Variants in R3HDM1 observed in about 807,000 individuals in gnomAD.
R3HDM1 encodes R3H domain-containing protein 1.
In R3HDM1, 46 loss-of-function variants were observed where a neutral mutation model predicts 141.1. The observed-to-expected ratio is 0.33, with a 90% CI of 0.26 to 0.42. R3HDM1 has a LOEUF of 0.42. Ranked by LOEUF, R3HDM1 falls within the 10% of genes least tolerant of loss-of-function variation. R3HDM1 has a pLI of 1.00. For synonymous variants in R3HDM1, 435 were observed against 472.9 expected (o/e 0.92, Z 1.04); for missense variants, 1,184 against 1,368.3 (o/e 0.87, Z 2.12).
At chr2:135,702,547 G>T (rs2074366731) in intron 21 of R3HDM1, among the ~76,000 whole-genome samples, 1 of 151,358 alleles carries the variant, frequency 6.6e-6, no homozygotes, top group South Asian at 2.1e-4. Context: ...TGTAGTCCCA[G>T]CTACAGCAGG....
At chr2:135,630,619 G>A (rs1206829676) in intron 7 of R3HDM1, among the ~76,000 whole-genome samples, 2 of 152,124 alleles carry the variant, frequency 1.3e-5, no homozygotes, top group Non-Finnish European at 2.9e-5. Context: ...ATGCAGGTCT[G>A]ATGTGTAGAC....
At chr2:135,639,275 A>C in intron 14 of R3HDM1, 153 bp downstream of exon 14, 1 of 652,062 alleles carries the variant, frequency 1.5e-6, no homozygotes, top group East Asian at 2.9e-5. Flanking sequence ...AAGGGGTAAT[A>C]TGTTTCTTGA....
rs763893412 is a variant in R3HDM1, at chr2:135,710,090, G to A, written c.2595G>A (p.Met865Ile). The A allele has an allele frequency of 6.2e-7, 1 of 1,613,946 alleles. No individual in the cohort carries two copies. The highest frequency in any genetic ancestry group is 8.5e-7 in the Non-Finnish European group (1 of 1,179,920). ...AGPPPPPGGGMVMMQLSVPNN... is the reference protein window; with the variant it reads ...AGPPPPPGGGIVMMQLSVPNN... ...CACCACCGCCACCTGGTGGGGGGATGGTGATGATGCAGCTCAGTGTACCAA... is the reference window on the plus strand; with the variant it reads ...CACCACCGCCACCTGGTGGGGGGATAGTGATGATGCAGCTCAGTGTACCAA... The change falls in exon 23 of 27, where the codon ATG becomes ATA. Residue 865 changes from methionine (M) to isoleucine (I), a missense_variant. By Grantham distance (10) the Met-to-Ile change is conservative (BLOSUM62 1). Around this residue, in one of 5 missense-constraint regions of R3HDM1, gnomAD observed 563 missense variants for 562.0 expected, o/e 1.00. Coordinates refer to ENST00000683871, the MANE Select transcript of R3HDM1 (RefSeq NM_001378107.1).
chr2:135,632,565 A>G (rs1187058128), intron 9 of R3HDM1, among the ~76,000 whole-genome samples: 3 of 152,194 alleles, frequency 2.0e-5, no homozygotes, highest in Non-Finnish European at 2.9e-5. Context: ...TGATTGCTTT[A>G]TAGTGTTACG....
At chr2:135,556,401 TG>T (rs1700770495) in intron 1 of R3HDM1, among the ~76,000 whole-genome samples, 1 of 152,026 alleles carries the variant, frequency 6.6e-6, no homozygotes, top group African/African-American at 2.4e-5. Flanking sequence ...CTCAGTAGAG[TG>T]GTTTTTTGAA....
At chr2:135,556,841 A>G (rs1330920185) in intron 1 of R3HDM1, among the ~76,000 whole-genome samples, 2 of 151,962 alleles carry the variant, frequency 1.3e-5, no homozygotes, top group South Asian at 2.1e-4. Context: ...TTGAAGCAAC[A>G]CTTACTAGAA....
At chr2:135,684,339 G>T (rs531503940) in intron 21 of R3HDM1, among the ~76,000 whole-genome samples, 137 of 152,072 alleles carry the variant, frequency 9.0e-4, no homozygotes, top group African/African-American at 3.2e-3. Context: ...TCCGCCCACC[G>T]TGGCCTCCCA....
chr2:135,639,796 C>A (rs952490857), intron 14 of R3HDM1, among the ~76,000 whole-genome samples: 1 of 152,152 alleles, frequency 6.6e-6, no homozygotes, highest in South Asian at 2.1e-4. Flanking sequence ...GCGTGAAAGT[C>A]AAAAATGGGT....
chr2:135,648,520 A>C (rs1489790624), intron 16 of R3HDM1, among the ~76,000 whole-genome samples: 2 of 152,172 alleles, frequency 1.3e-5, no homozygotes, highest in African/African-American at 4.8e-5. Context: ...ATGCATGAAT[A>C]TACATTTTAA....
At chr2:135,623,110 A>T (rs2061661741) in intron 7 of R3HDM1, 1 of 897,980 alleles carries the variant, frequency 1.1e-6, no homozygotes, top group African/African-American at 1.8e-5. Context: ...TTTAAATGCA[A>T]AGTTTTTGTT....
intron 1 of R3HDM1, chr2:135,536,610 G>A (rs982008786): frequency 1.1e-6 from 1 of 886,912 alleles, no homozygotes; most frequent in African/African-American, 1.8e-5. Flanking sequence ...GGAATAACTT[G>A]ATATTGTCTG....
chr2:135,669,870 G>A (rs1197471836), intron 19 of R3HDM1, among the ~76,000 whole-genome samples: 1 of 152,152 alleles, frequency 6.6e-6, no homozygotes, highest in Admixed American at 6.5e-5. Context: ...TGGGCGCAGT[G>A]GCTCACCCCT....
At chr2:135,667,622 A>G in intron 19 of R3HDM1, 7 of 973,016 alleles carry the variant, frequency 7.2e-6, no homozygotes, top group Non-Finnish European at 7.3e-6. Context: ...TGAAGAAAGA[A>G]TAATTTATGT....
chr2:135,574,222 A>T (rs920164846), intron 1 of R3HDM1, among the ~76,000 whole-genome samples: 4 of 152,246 alleles, frequency 2.6e-5, no homozygotes, highest in Non-Finnish European at 5.9e-5. Context: ...ATCACAAGAG[A>T]CTACTTAGCA....
At chr2:135,585,214 A>G (rs1707611315) in intron 1 of R3HDM1, among the ~76,000 whole-genome samples, 1 of 152,194 alleles carries the variant, frequency 6.6e-6, no homozygotes, top group Non-Finnish European at 1.5e-5. Flanking sequence ...ATTTTTAACA[A>G]TCTACTTCTA....
At chr2:135,550,847 A>T (rs1241305143) in intron 1 of R3HDM1, among the ~76,000 whole-genome samples, 1 of 152,216 alleles carries the variant, frequency 6.6e-6, no homozygotes, top group African/African-American at 2.4e-5. Flanking sequence ...CCAAAATTTA[A>T]TGGGTTTATT....
At chr2:135,568,720 G>T (rs1004381123) in intron 1 of R3HDM1, 10 of 152,112 alleles carry the variant, frequency 6.6e-5, no homozygotes, top group African/African-American at 2.2e-4. Flanking sequence ...TTTTTTAAAA[G>T]AAACAGTTTT....
chr2:135,572,716 C>T (rs1704421240), intron 1 of R3HDM1, among the ~76,000 whole-genome samples: 1 of 150,906 alleles, frequency 6.6e-6, no homozygotes, highest in Admixed American at 6.6e-5. Flanking sequence ...CATGAATGTT[C>T]ATAGCAGCAT....
At chr2:135,622,534 G>T in intron 6 of R3HDM1, 120 bp from the exon 7 acceptor site, 2 of 1,343,030 alleles carry the variant, frequency 1.5e-6, no homozygotes, top group South Asian at 2.2e-5. Context: ...CTACTTTGTC[G>T]AATTTTTTTC....
Sources: gnomAD v4.1 joint callset for allele counts (sites outside exome capture counted in the v4.1 genomes callset) on GRCh38, gnomAD v4.1.1 for gene constraint, gnomAD v4.1.1 regional missense constraint, MANE v1.5 for transcripts, NCBI Gene and HGNC (gene_info 2026-07-23, HGNC 2026-07-21) for gene names.